Variants in EXTL3 observed in about 807,000 individuals in gnomAD.
EXTL3 encodes exostosin-like 3.
A neutral mutation model predicts 69.3 loss-of-function variants in EXTL3; 27 were observed. The ratio of observed to expected loss-of-function variants is 0.39; its 90% confidence interval spans 0.29 to 0.54. EXTL3 has a LOEUF of 0.54. Ranked by LOEUF, EXTL3 falls within the 20% of genes least tolerant of loss-of-function variation. EXTL3 has a pLI of 0.69. For synonymous variants in EXTL3, 511 were observed against 499.4 expected, an observed-to-expected ratio of 1.02 and a Z score of -0.31; for missense variants, 1,003 against 1,231.8, an observed-to-expected ratio of 0.81 and a Z score of 2.78.
chr8:28,731,098 A>C, intron 3 of EXTL3, 125 bp from the exon 4 acceptor site: 1 of 1,113,436 alleles, frequency 9.0e-7, no homozygotes, highest in Non-Finnish European at 1.4e-6. Context: ...AGATTTTACA[A>C]GCGCGGAGAT....
chr8:28,639,582 A>C (rs1806711676), intron 1 of EXTL3, among the ~76,000 whole-genome samples: 1 of 151,698 alleles, frequency 6.6e-6, no homozygotes, highest in Non-Finnish European at 1.5e-5. Flanking sequence ...CTACCTCTTT[A>C]TACTTCCCCT....
chr8:28,691,704 C>T (rs1055778394), intron 1 of EXTL3, among the ~76,000 whole-genome samples: 1 of 151,554 alleles, frequency 6.6e-6, no homozygotes, highest in African/African-American at 2.4e-5. Context: ...TCGAGACCAG[C>T]CTGACCAACA....
At chr8:28,635,115 A>G (rs895930252) in intron 1 of EXTL3, among the ~76,000 whole-genome samples, 9 of 152,170 alleles carry the variant, frequency 5.9e-5, no homozygotes, top group African/African-American at 2.2e-4. Context: ...CTCAAGAACT[A>G]GAAATTCCTC....
At chr8:28,701,232 T>C (rs1227601346), upstream of EXTL3, 3 of 152,082 alleles carry the variant, frequency 2.0e-5, no homozygotes, top group Non-Finnish European at 4.4e-5. Context: ...CTCCCCGCCA[T>C]CTGCGGTCGG....
At chr8:28,641,980 T>G (rs926130613) in intron 1 of EXTL3, among the ~76,000 whole-genome samples, 3 of 151,890 alleles carry the variant, frequency 2.0e-5, no homozygotes, top group Non-Finnish European at 4.4e-5. Flanking sequence ...GGACTACAGG[T>G]GCCCAACACC....
At chr8:28,634,755 C>T (rs1360431977) in intron 1 of EXTL3, among the ~76,000 whole-genome samples, 1 of 152,034 alleles carries the variant, frequency 6.6e-6, no homozygotes, top group African/African-American at 2.4e-5. Context: ...CCACCACACC[C>T]AGCTAATTTT....
intron 1 of EXTL3, among the ~76,000 whole-genome samples, chr8:28,694,665 G>A (rs111423208): frequency 2.6e-5 from 4 of 152,240 alleles, no homozygotes; most frequent in African/African-American, 9.6e-5. Context: ...GTTTAGGGTC[G>A]TTAAAGGAGC....
At chr8:28,671,011 T>C (rs1807279023) in intron 1 of EXTL3, among the ~76,000 whole-genome samples, 1 of 151,994 alleles carries the variant, frequency 6.6e-6, no homozygotes, top group South Asian at 2.1e-4. Context: ...GACGGAGTCT[T>C]GCTCTGTCAC....
At chr8:28,673,375 C>G (rs760731834) in intron 1 of EXTL3, among the ~76,000 whole-genome samples, 2 of 152,120 alleles carry the variant, frequency 1.3e-5, no homozygotes, top group African/African-American at 4.8e-5. Context: ...GATTGCCTTC[C>G]CTAATGTGAG....
chr8:28,614,272 C>CT (rs35659799), intron 2 of EXTL3, among the ~76,000 whole-genome samples: 1,773 of 104,848 alleles, frequency 0.017, 43 homozygotes, highest in African/African-American at 0.02. Context: ...GGGTTTTTTG[C>CT]TTTTTTTTTT....
chr8:28,679,709 C>T (rs574241694), intron 1 of EXTL3, among the ~76,000 whole-genome samples: 48 of 143,762 alleles, frequency 3.3e-4, no homozygotes, highest in Non-Finnish European at 6.5e-4. Flanking sequence ...AGTGACAAAG[C>T]AAGACCCGAC....
intron 1 of EXTL3, among the ~76,000 whole-genome samples, chr8:28,671,551 G>T (rs1166506274): frequency 6.6e-6 from 1 of 151,712 alleles, no homozygotes; most frequent in Non-Finnish European, 1.5e-5. Context: ...TGTTGGCCAG[G>T]CTGGTCTTGA....
chr8:28,611,707 A>G (rs1435834063), intron 2 of EXTL3, among the ~76,000 whole-genome samples: 1 of 152,112 alleles, frequency 6.6e-6, no homozygotes, highest in African/African-American at 2.4e-5. Flanking sequence ...AGCATAAAGG[A>G]TTCTGTCAGA....
intron 2 of EXTL3, among the ~76,000 whole-genome samples, chr8:28,607,982 C>G (rs913352224): frequency 6.6e-6 from 1 of 151,626 alleles, no homozygotes; most frequent in East Asian, 1.9e-4. Context: ...TGGTGGTGGG[C>G]GCCTGTAGTC....
Position 28,750,728 on chromosome 8 carries a change from C to A in EXTL3, c.2622C>A (p.His874Gln), listed in dbSNP as rs375394103. ...QALSHDDSHF[H>Q]ERHKCINFFV... ...TGTCTCATGATGACTCCCACTTCCA[C>A]GAGCGGCACAAGTGCATCAACTTCT... Residue 874 changes from histidine to glutamine, a missense_variant, in exon 7 of 7, where the codon CAC becomes CAA. His to Gln is a conservative substitution (Grantham distance 24, BLOSUM62 0). This residue lies in a region of EXTL3 where 261 missense variants were observed against 416.4 expected (regional missense o/e 0.63). Coordinates refer to ENST00000220562, the MANE Select transcript of EXTL3 (RefSeq NM_001440.4). The surrounding 1 kb of genome is among the most constrained non-coding windows in gnomAD (Gnocchi z 5.2). 1.2e-6 allele frequency: 2 copies of A among 1,614,084 alleles called. No individual in the cohort carries two copies. Among genetic ancestry groups the A allele is most frequent in the Non-Finnish European group, 1.7e-6 (2 of 1,180,034 alleles).
At chr8:28,697,131 C>G (rs1006939703), upstream of EXTL3, 16 of 152,250 alleles carry the variant, frequency 1.1e-4, no homozygotes, top group African/African-American at 2.6e-4. Context: ...AGGGCAGGGC[C>G]ATGTTTTATA....
At chr8:28,671,977 C>CAAACA (rs1033408010) in intron 1 of EXTL3, among the ~76,000 whole-genome samples, 8 of 152,082 alleles carry the variant, frequency 5.3e-5, no homozygotes, top group African/African-American at 1.9e-4. Context: ...CCTGTCTCTA[C>CAAACA]AAACAAAACA....
At chr8:28,685,229 C>A (rs1023304197) in intron 1 of EXTL3, among the ~76,000 whole-genome samples, 1 of 152,172 alleles carries the variant, frequency 6.6e-6, no homozygotes, top group African/African-American at 2.4e-5. Context: ...GGATTACAGG[C>A]GTGAGCCACC....
intron 3 of EXTL3, among the ~76,000 whole-genome samples, chr8:28,727,022 G>A (rs549839054): frequency 3.4e-4 from 52 of 151,724 alleles, no homozygotes; most frequent in Non-Finnish European, 6.5e-4. Flanking sequence ...GGGATTACAG[G>A]TGCCCTCCCC....
Sources: gnomAD v4.1 joint callset for allele counts (sites outside exome capture counted in the v4.1 genomes callset) on GRCh38, gnomAD v4.1.1 for gene constraint, gnomAD v4.1.1 regional missense constraint, Gnocchi (gnomAD v3.1) non-coding constraint, MANE v1.5 for transcripts, NCBI Gene and HGNC (gene_info 2026-07-23, HGNC 2026-07-21) for gene names.